The following BBS1 variants were observed in gnomAD, a reference collection of about 807,000 sequenced individuals.
The protein encoded by BBS1 is BBSome complex member BBS1.
A neutral mutation model predicts 73.9 loss-of-function variants in BBS1; 60 were observed. The observed-to-expected ratio is 0.81, with a 90% CI of 0.66 to 1.01. The LOEUF is 1.01. BBS1 is among the 50% of genes least tolerant of loss of function. The pLI, the probability that BBS1 is intolerant of heterozygous loss-of-function variation, is 0.00. For synonymous variants in BBS1, 283 were observed against 317.4 expected (o/e 0.89, Z 1.15); for missense variants, 718 against 770.3 (o/e 0.93, Z 0.80).
intron 8 of BBS1, chr11:66,520,968 C>G: frequency 2.4e-6 from 1 of 416,224 alleles, no homozygotes; most frequent in Non-Finnish European, 4.5e-6. Flanking sequence ...ATCCACCCGC[C>G]TCAGCCTCTC....
intron 4 of BBS1, 29 bp from the exon 5 acceptor site, chr11:66,515,511 T>C (rs1171385051): frequency 1.2e-6 from 2 of 1,613,640 alleles, no homozygotes; most frequent in Non-Finnish European, 1.7e-6. Flanking sequence ...TGGCTTGAGC[T>C]CACAGGCTCT....
rs989801117 is a variant in BBS1 at position 66,533,454 on chromosome 11, A to C, written c.*1417A>C. 1 of 152,232 alleles carries C rather than the reference A, an allele frequency of 6.6e-6. No individual in the cohort carries two copies. The highest frequency in any genetic ancestry group is 1.9e-4 in the East Asian group (1 of 5,200). The allele number at this position is 152,232 out of a possible 1,614,324, so 9.4% of individuals were successfully genotyped here. Reference sequence around the variant, plus strand: ...ACCTGTTGACTCCCTGTTGTCATACATGAGGCTTTAGCTCTCTTTTGTCAG... The same window carrying C: ...ACCTGTTGACTCCCTGTTGTCATACCTGAGGCTTTAGCTCTCTTTTGTCAG... On this transcript the variant is annotated 3_prime_UTR_variant, in exon 17 of 17. Transcript: ENST00000318312.
chr11:66,531,718 C>T lies in BBS1; in HGVS notation c.1671C>T (p.Asn557=), dbSNP rs1179878578. Residue 557 remains asparagine, a synonymous_variant, in exon 16 of 17, where the codon AAC becomes AAT. Transcript: ENST00000318312. ...AGACCTTTGTGGAGAGTCTCAGTAA[C>T]AAGGGCATCTCAGACATCATCAAGG... The part of the protein sequence containing the change: ...PLETFVESLS[N]KGISDIIKVL... 1 of 1,613,938 alleles carries T rather than the reference C, an allele frequency of 6.2e-7. No individual in the cohort carries two copies. Among genetic ancestry groups the T allele is most frequent in the Non-Finnish European group, 8.5e-7 (1 of 1,179,992 alleles).
intron 3 of BBS1, among the ~76,000 whole-genome samples, chr11:66,513,551 C>T (rs1170384158): frequency 6.6e-6 from 1 of 152,078 alleles, no homozygotes; most frequent in East Asian, 1.9e-4. Flanking sequence ...TAGTGGCACA[C>T]ACCTGTAGTC....
chr11:66,519,597 C>T lies in BBS1; in HGVS notation c.592-20C>T, dbSNP rs778903752. 20 of 1,613,426 alleles carry T rather than the reference C, an allele frequency of 1.2e-5. No individual in the cohort carries two copies. Among genetic ancestry groups the T allele is most frequent in the Non-Finnish European group, 1.7e-5 (20 of 1,179,756 alleles). ...TGGTGTGTGGAGGTTCCCTGGGTGACCCCTGGAGTCCTTCTGTAGACAGTC... is the reference window on the plus strand; with the variant it reads ...TGGTGTGTGGAGGTTCCCTGGGTGATCCCTGGAGTCCTTCTGTAGACAGTC... On this transcript the variant is annotated intron_variant, in intron 7 of 16. Coordinates refer to ENST00000318312, the MANE Select transcript of BBS1 (RefSeq NM_024649.5).
At chr11:66,526,302 G>A in intron 12 of BBS1, 110 bp downstream of exon 12, 1 of 1,122,646 alleles carries the variant, frequency 8.9e-7, no homozygotes. Context: ...ACCTGGGTGT[G>A]GAAAGTAAGG....
At chr11:66,517,210 C>A (rs1210134367) in intron 7 of BBS1, among the ~76,000 whole-genome samples, 21 of 148,976 alleles carry the variant, frequency 1.4e-4, no homozygotes, top group Non-Finnish European at 2.1e-4. Flanking sequence ...AAAAAAAAAA[C>A]CAAAAAACAA....
At chr11:66,518,246 C>T (rs925242724) in intron 7 of BBS1, among the ~76,000 whole-genome samples, 6 of 151,644 alleles carry the variant, frequency 4.0e-5, no homozygotes, top group African/African-American at 9.7e-5. Context: ...CGTGAACCAC[C>T]GCATCCGGCC....
rs754300140 is a variant in BBS1 at position 66,531,957 on chromosome 11, G to C, written c.1702G>C (p.Val568Leu). 1 of 1,593,992 alleles carries C rather than the reference G, an allele frequency of 6.3e-7. No individual in the cohort carries two copies. Among genetic ancestry groups the C allele is most frequent in the South Asian group, 1.1e-5 (1 of 88,566 alleles). Residue 568 changes from valine to leucine, a missense_variant, in exon 17 of 17, where the codon GTG (valine) becomes CTG (leucine). Coordinates refer to ENST00000318312, the MANE Select transcript of BBS1 (RefSeq NM_024649.5). Reference sequence around the variant, plus strand: ...CATGGCCACTCCTCCATAGGTGCTGGTGCTTCGAGAAGGCCAAAGTGCACC... The same window carrying C: ...CATGGCCACTCCTCCATAGGTGCTGCTGCTTCGAGAAGGCCAAAGTGCACC... Reference protein sequence around the residue: ...KGISDIIKVLVLREGQSAPLL... With the variant: ...KGISDIIKVLLLREGQSAPLL...
At chr11:66,512,971 CA>C (rs534825350) in intron 3 of BBS1, among the ~76,000 whole-genome samples, 21 of 139,384 alleles carry the variant, frequency 1.5e-4, no homozygotes, top group African/African-American at 1.8e-4. Context: ...GACTCCATCT[CA>C]AAAAAAAAAA....
chr11:66,511,008 TC>T lies in BBS1; in HGVS notation c.48-3del, dbSNP rs750757771. 1.2e-6 allele frequency: 2 copies of T among 1,614,122 alleles called. No homozygotes were observed. Among genetic ancestry groups the T allele is most frequent in the East Asian group, 4.5e-5 (2 of 44,882 alleles). On this transcript the variant is annotated splice_region_variant and splice_polypyrimidine_tract_variant and intron_variant, in intron 1 of 16. Transcript: ENST00000318312. The stretch of plus-strand genomic sequence containing the variant: ...ACTCCCCAACTGTCTTTCCCCCACT[TC>T]CAGCAATGAGGCCAATTCGAAGTGG...
intron 3 of BBS1, 94 bp downstream of exon 3, chr11:66,511,333 T>C (rs1855942286): frequency 9.6e-6 from 14 of 1,455,676 alleles, no homozygotes; most frequent in Non-Finnish European, 1.2e-5. Context: ...CAGCATACTC[T>C]GGAATTCACA....
intron 8 of BBS1, 188 bp from the exon 9 acceptor site, chr11:66,521,082 C>A: frequency 1.6e-6 from 1 of 642,478 alleles, no homozygotes. Context: ...AGTCAAAAGG[C>A]ACAGACTAAA....
At chr11:66,527,825 G>A (rs1856586937) in intron 13 of BBS1, 1 of 152,336 alleles carries the variant, frequency 6.6e-6, no homozygotes, top group African/African-American at 2.4e-5. Context: ...GGAAGCTTGG[G>A]AAAGGCTTCA....
At position 66,523,839 on chromosome 11, in the gene BBS1, G is replaced by T. The variant is rs771291825; in HGVS notation, c.1067G>T (p.Arg356Leu). The change falls in exon 11 of 17, where the codon CGC becomes CTC. Residue 356 changes from arginine (R) to leucine (L), a missense_variant. Transcript: ENST00000318312. ...VMAGLANGEV[R>L]IYRDKALLNV... ...GCTGGGCTGGCCAATGGAGAGGTCC[G>T]CATTTATCGTGACAAGGCCCTGCTC... 2 of 1,613,592 alleles carry T rather than the reference G, an allele frequency of 1.2e-6. No individual in the cohort carries two copies. The highest frequency in any genetic ancestry group is 1.1e-5 in the South Asian group (1 of 91,088).
intron 14 of BBS1, among the ~76,000 whole-genome samples, chr11:66,530,624 G>C (rs61551111): frequency 5.3e-4 from 80 of 152,292 alleles, no homozygotes; most frequent in African/African-American, 1.8e-3. Flanking sequence ...GAACAGGCAG[G>C]GGGTGGGGGT....
chr11:66,513,880 G>A (rs1407196002), intron 3 of BBS1, among the ~76,000 whole-genome samples: 1 of 152,156 alleles, frequency 6.6e-6, no homozygotes, highest in Non-Finnish European at 1.5e-5. Context: ...TCAGGGAAAT[G>A]GGCTTGTGTG....
At position 66,532,242 on chromosome 11, in the gene BBS1, AG is replaced by A. The variant is rs930366896; in HGVS notation, c.*206del. 1 of 599,700 alleles carries A rather than the reference AG, an allele frequency of 1.7e-6. No individual in the cohort carries two copies. The highest frequency in any genetic ancestry group is 1.9e-5 in the African/African-American group (1 of 53,758). The allele number at this position is 599,700 out of a possible 1,614,324, so 37.1% of individuals were successfully genotyped here. On this transcript the variant is annotated 3_prime_UTR_variant, in exon 17 of 17. Coordinates refer to ENST00000318312, the MANE Select transcript of BBS1 (RefSeq NM_024649.5). ...CCTAGGGCGGCTCAACTCCTCCCACAGCACCAACCCAGCATGGTCCCACTGA... is the reference window on the plus strand; with the variant it reads ...CCTAGGGCGGCTCAACTCCTCCCACACACCAACCCAGCATGGTCCCACTGA...
At chr11:66,514,706 C>A (rs764644840) in intron 4 of BBS1, 28 bp downstream of exon 4, 1 of 1,605,464 alleles carries the variant, frequency 6.2e-7, no homozygotes, top group Non-Finnish European at 8.5e-7. Context: ...GAGTTGGGAA[C>A]CAGAAGGCAA....
Sources: gnomAD v4.1 joint callset for allele counts (sites outside exome capture counted in the v4.1 genomes callset) on GRCh38, gnomAD v4.1.1 for gene constraint, MANE v1.5 for transcripts, NCBI Gene and HGNC (gene_info 2026-07-23, HGNC 2026-07-21) for gene names.